XRCC4: variants seen among roughly 807,000 people sequenced by gnomAD.
XRCC4 encodes DNA repair protein XRCC4.
In XRCC4, 28 loss-of-function variants were observed where a neutral mutation model predicts 39.1. That is an observed-to-expected ratio of 0.72 (90% CI 0.53 to 0.98). The LOEUF (loss-of-function observed/expected upper bound fraction) is 0.98. Ranked by LOEUF, XRCC4 falls within the 50% of genes least tolerant of loss-of-function variation. The pLI is 0.00. For missense variants in XRCC4, 350 were observed against 376.4 expected, an observed-to-expected ratio of 0.93 and a Z score of 0.58; for synonymous variants, 123 against 126.4, an observed-to-expected ratio of 0.97 and a Z score of 0.18.
rs1756111319 is a variant in XRCC4 at position 83,322,514 on chromosome 5, G to A, written c.894-30617G>A. 1.3e-5 allele frequency among the ~76,000 whole-genome samples: 2 copies of A among 152,186 alleles called. 1 individual carries two copies. Among genetic ancestry groups the A allele is most frequent in the Non-Finnish European group, 2.9e-5 (2 of 68,032 alleles). ...CCTCCATCTCCCCCAACCGCCGCAT[G>A]CGCATGTCCTAATTTGTGGAACATG... On this transcript the variant is annotated intron_variant, in intron 7 of 7. Coordinates refer to ENST00000396027, the MANE Select transcript of XRCC4 (RefSeq NM_003401.5).
intron 6 of XRCC4, among the ~76,000 whole-genome samples, chr5:83,239,789 A>G (rs1411542444): frequency 2.0e-5 from 3 of 151,812 alleles, no homozygotes; most frequent in Non-Finnish European, 4.4e-5. Flanking sequence ...AGATTGGGCC[A>G]CTGTACTCCA....
Position 83,146,830 on chromosome 5 carries a change from A to G in XRCC4, c.315+35627A>G, listed in dbSNP as rs1748477662. On this transcript the variant is annotated intron_variant, in intron 3 of 7. Coordinates refer to ENST00000396027, the MANE Select transcript of XRCC4 (RefSeq NM_003401.5). Reference sequence around the variant, plus strand: ...GTTTTCTTTTTCCCCGAGTCCAGAAAGCCTGAATTTAAGGCGATTAGGTTT... The same window carrying G: ...GTTTTCTTTTTCCCCGAGTCCAGAAGGCCTGAATTTAAGGCGATTAGGTTT... Among the ~76,000 whole-genome samples the G allele has an allele frequency of 3.3e-5, 5 of 152,218 alleles. No individual in the cohort carries two copies. The South Asian group carries it at 8.3e-4, about 25-fold the overall frequency.
At chr5:83,122,819 TTTGTTTTC>T (rs1747073546) in intron 3 of XRCC4, among the ~76,000 whole-genome samples, 1 of 152,130 alleles carries the variant, frequency 6.6e-6, no homozygotes, top group Non-Finnish European at 1.5e-5. Context: ...AGTTTGTAAT[TTTGTTTTC>T]AATTTTGTTT....
In XRCC4 at chr5:83,118,061, CACACACACACACACACATAT is replaced by C. The variant is rs893409267; in HGVS notation, c.315+6859_315+6878del. ...ATACATCTCCACACACACACACACA[CACACACACACACACACATAT>C]GTATATAGTGAATATCTAAAACTCT... is the stretch of plus-strand genomic sequence containing the variant. On this transcript the variant is annotated intron_variant, in intron 3 of 7. Transcript: ENST00000396027. 1.8e-4 allele frequency among the ~76,000 whole-genome samples: 20 copies of C among 112,200 alleles called. 1 individual carries two copies. Among genetic ancestry groups the C allele is most frequent in the Admixed American group, 2.3e-4 (3 of 12,864 alleles). The allele number at this position is 112,200 out of a possible 152,430, so 73.6% of individuals were successfully genotyped here. A position where few individuals can be genotyped will look rare whatever the true frequency, so the allele number is the denominator to read the frequency against.
rs544152454 is a variant in XRCC4 at position 83,186,085 on chromosome 5, A to C, written c.316-9685A>C. ...GGGAAAGAAAACAATAAACATTTAC[A>C]AATTAGATAATTTCAGATAATCACA... On this transcript the variant is annotated intron_variant, in intron 3 of 7. Coordinates refer to ENST00000396027, the MANE Select transcript of XRCC4 (RefSeq NM_003401.5). Among the ~76,000 whole-genome samples the C allele has an allele frequency of 2.0e-5, 3 of 152,294 alleles. No homozygotes were observed. In the East Asian group the frequency reaches 5.8e-4, roughly 29 times the overall value.
intron 6 of XRCC4, among the ~76,000 whole-genome samples, chr5:83,241,758 C>A (rs1309524101): frequency 1.3e-5 from 2 of 152,012 alleles, no homozygotes. Flanking sequence ...TCATTTAACA[C>A]ATATTTTATG....
chr5:83,191,740 C>G (rs1307925305), intron 3 of XRCC4, among the ~76,000 whole-genome samples: 2 of 152,148 alleles, frequency 1.3e-5, no homozygotes, highest in African/African-American at 4.8e-5. Context: ...TGCATAAGCT[C>G]TGTTTTTGCC....
At chr5:83,177,354 G>C (rs1413736664) in intron 3 of XRCC4, among the ~76,000 whole-genome samples, 1 of 151,870 alleles carries the variant, frequency 6.6e-6, no homozygotes, top group African/African-American at 2.4e-5. Flanking sequence ...TTAACGGAAG[G>C]AGAATTGATT....
intron 1 of XRCC4, among the ~76,000 whole-genome samples, chr5:83,102,274 G>A (rs1024915102): frequency 2.0e-5 from 3 of 152,060 alleles, no homozygotes; most frequent in Admixed American, 2.0e-4. Context: ...GAGGGTATCA[G>A]AAATCATCTT....
At chr5:83,291,769 A>G (rs1232942779) in intron 7 of XRCC4, among the ~76,000 whole-genome samples, 1 of 151,848 alleles carries the variant, frequency 6.6e-6, no homozygotes, top group Non-Finnish European at 1.5e-5. Context: ...TGGAGGCACT[A>G]TATGTTACAA....
At chr5:83,241,653 C>T (rs1429112900) in intron 6 of XRCC4, among the ~76,000 whole-genome samples, 2 of 152,242 alleles carry the variant, frequency 1.3e-5, no homozygotes, top group East Asian at 3.9e-4. Context: ...GTGCTCACTT[C>T]CCATACAATC....
intron 3 of XRCC4, among the ~76,000 whole-genome samples, chr5:83,192,469 A>C (rs1750755691): frequency 2.6e-5 from 4 of 151,526 alleles, no homozygotes; most frequent in Admixed American, 2.6e-4. Context: ...CACCACGCCC[A>C]GCTAATTTTG....
chr5:83,186,774 A>G (rs1362495538), intron 3 of XRCC4, among the ~76,000 whole-genome samples: 2 of 152,088 alleles, frequency 1.3e-5, no homozygotes, highest in Non-Finnish European at 2.9e-5. Flanking sequence ...CTTAACATAA[A>G]TATATATTTT....
intron 3 of XRCC4, among the ~76,000 whole-genome samples, chr5:83,157,727 A>G (rs1389572167): frequency 1.3e-5 from 2 of 152,102 alleles, no homozygotes; most frequent in African/African-American, 4.8e-5. Context: ...GCAGTCTTCC[A>G]GGAAGTAAAA....
chr5:83,158,506 A>G (rs769787047), intron 3 of XRCC4, among the ~76,000 whole-genome samples: 1 of 152,148 alleles, frequency 6.6e-6, no homozygotes. Context: ...TAGCTGATAT[A>G]CACTAAATAA....
chr5:83,203,884 GTC>G (rs750221284), intron 5 of XRCC4, among the ~76,000 whole-genome samples, 177 bp downstream of exon 5: 38 of 152,074 alleles, frequency 2.5e-4, no homozygotes, highest in Middle Eastern at 3.4e-3. Flanking sequence ...TCTCAGCATG[GTC>G]TCTCTATGTC....
rs542333273 is a variant in XRCC4, at chr5:83,173,141, T to C, written c.316-22629T>C. ...TCTTTCTCTTGCATTACCTAGAGTATGCCCAGGGCACTGTAGGGGAATTTG... is the reference window on the plus strand; with the variant it reads ...TCTTTCTCTTGCATTACCTAGAGTACGCCCAGGGCACTGTAGGGGAATTTG... On this transcript the variant is annotated intron_variant, in intron 3 of 7. Coordinates refer to ENST00000396027, the MANE Select transcript of XRCC4 (RefSeq NM_003401.5). Among the ~76,000 whole-genome samples the C allele has an allele frequency of 2.4e-4, 36 of 152,290 alleles. No individual in the cohort carries two copies. The South Asian group carries it at 5.4e-3, about 23-fold the overall frequency.
intron 1 of XRCC4, among the ~76,000 whole-genome samples, chr5:83,091,443 C>T (rs913069767): frequency 1.3e-5 from 2 of 152,182 alleles, no homozygotes; most frequent in Non-Finnish European, 2.9e-5. Flanking sequence ...CCACCAGGTC[C>T]TAGGTCAACA....
At chr5:83,261,155 A>AT (rs1753733467) in intron 7 of XRCC4, among the ~76,000 whole-genome samples, 1 of 151,330 alleles carries the variant, frequency 6.6e-6, no homozygotes, top group African/African-American at 2.4e-5. Context: ...AATATTTTTA[A>AT]TGAAAAAAAG....
Sources: allele counts gnomAD v4.1 joint callset (sites outside exome capture counted in the v4.1 genomes callset), GRCh38; gene constraint gnomAD v4.1.1; transcripts MANE v1.5; gene names NCBI Gene and HGNC (gene_info 2026-07-23, HGNC 2026-07-21).